The following SPTBN2 variants were observed in gnomAD, a reference collection of about 807,000 sequenced individuals.
SPTBN2 encodes the protein spectrin beta chain, non-erythrocytic 2.
In SPTBN2, 107 loss-of-function variants were observed where a neutral mutation model predicts 284.2. The ratio of observed to expected loss-of-function variants is 0.38; its 90% confidence interval spans 0.32 to 0.44. SPTBN2 has a LOEUF of 0.44. SPTBN2 is among the 20% of genes least tolerant of loss of function. The probability of loss-of-function intolerance (pLI) is 1.00; values close to 1 mark genes in which losing one functional copy is unlikely to be tolerated. For synonymous variants in SPTBN2, 1,289 were observed against 1,354.8 expected (o/e 0.95, Z 1.07); for missense variants, 2,569 against 3,287.1 (o/e 0.78, Z 5.34).
intron 3 of SPTBN2, 21 bp from the exon 4 acceptor site, chr11:66,716,002 T>C: frequency 6.2e-7 from 1 of 1,613,588 alleles, no homozygotes. Flanking sequence ...AACATGGGTT[T>C]ATTTCTGTCC....
chr11:66,697,536 A>G (rs1940989597), intron 20 of SPTBN2, among the ~76,000 whole-genome samples: 1 of 152,116 alleles, frequency 6.6e-6, no homozygotes, highest in African/African-American at 2.4e-5. Flanking sequence ...CTTGCTCCCA[A>G]ACAGGCACTG....
rs1015395050 is a variant in SPTBN2 at position 66,715,553 on chromosome 11, G to A, written c.310-158C>T. ...TGGAGCCAAAGCTGAGCTTACAGAT[G>A]AGGCTTGGGCAGATTAAGATTCCCA... On this transcript the variant is annotated intron_variant, in intron 4 of 37. Coordinates refer to ENST00000533211, the MANE Select transcript of SPTBN2 (RefSeq NM_006946.4). The surrounding 1 kb of genome is among the most constrained non-coding windows in gnomAD (Gnocchi z 5.3). Among the ~76,000 whole-genome samples, 5 of 152,224 alleles carry A rather than the reference G, an allele frequency of 3.3e-5. No individual in the cohort carries two copies. Among genetic ancestry groups the A allele is most frequent in the African/African-American group, 7.2e-5 (3 of 41,460 alleles).
At position 66,693,529 on chromosome 11, in the gene SPTBN2, CCTCT is replaced by C. The variant is rs1173034453; in HGVS notation, c.4594-87_4594-84del. 15 of 1,539,678 alleles carry C rather than the reference CCTCT, an allele frequency of 9.7e-6. No individual in the cohort carries two copies. The highest frequency in any genetic ancestry group is 1.4e-5 in the African/African-American group (1 of 73,190). ...CCGGAGACCACCCTTCACCCCTGTG[CCTCT>C]CTCCTTCCTGGGTCCTCTGCTCCCT... On this transcript the variant is annotated intron_variant, in intron 23 of 37. Coordinates refer to ENST00000533211, the MANE Select transcript of SPTBN2 (RefSeq NM_006946.4). This position sits in a 1 kb window ranked among gnomAD's most constrained non-coding sequence, Gnocchi z 5.7.
rs972645128 is a variant in SPTBN2 at position 66,700,073 on chromosome 11, A to G, written c.3573+453T>C. Among the ~76,000 whole-genome samples, 1 of 151,774 alleles carries G rather than the reference A, an allele frequency of 6.6e-6. No individual in the cohort carries two copies. Among genetic ancestry groups the G allele is most frequent in the African/African-American group, 2.4e-5 (1 of 41,296 alleles). On this transcript the variant is annotated intron_variant, in intron 17 of 37. Coordinates refer to ENST00000533211, the MANE Select transcript of SPTBN2 (RefSeq NM_006946.4). The surrounding 1 kb of genome is among the most constrained non-coding windows in gnomAD (Gnocchi z 6.6). ...CTGGCTCCAGTGATCCACCAGCCTC[A>G]GCCTCCCCAGTAGCTGGAGCTACAG...
rs369363289 is a variant in SPTBN2, at chr11:66,683,944, T to C, written c.*1927A>G. Among the ~76,000 whole-genome samples the C allele has an allele frequency of 5.3e-5, 8 of 152,340 alleles. No individual in the cohort carries two copies. Among genetic ancestry groups the C allele is most frequent in the African/African-American group, 1.7e-4 (7 of 41,576 alleles). ...TTCTTCCACTTAGTCCCATGACAGA[T>C]TGTTCTAGTTACGCGTATCCACCTG... On this transcript the variant is annotated 3_prime_UTR_variant, in exon 38 of 38. Coordinates refer to ENST00000533211, the MANE Select transcript of SPTBN2 (RefSeq NM_006946.4).
chr11:66,683,311 C>T lies in SPTBN2; in HGVS notation c.*2560G>A, dbSNP rs1432606856. ...TCGATCTCCTGACCTCGTGATCCGC[C>T]CGCCTCGGCCTCCCAAAGTGCTGGG... On this transcript the variant is annotated 3_prime_UTR_variant, in exon 38 of 38. Coordinates refer to ENST00000533211, the MANE Select transcript of SPTBN2 (RefSeq NM_006946.4). 6.6e-6 allele frequency among the ~76,000 whole-genome samples: 1 copy of T among 151,586 alleles called. No individual in the cohort carries two copies. Among genetic ancestry groups the T allele is most frequent in the Admixed American group, 6.6e-5 (1 of 15,206 alleles).
At position 66,708,066 on chromosome 11, in the gene SPTBN2, C is replaced by G. The variant is rs547624651; in HGVS notation, c.1350+75G>C. On this transcript the variant is annotated intron_variant, in intron 12 of 37. Transcript: ENST00000533211. This position sits in a 1 kb window ranked among gnomAD's most constrained non-coding sequence, Gnocchi z 4.4. The stretch of plus-strand genomic sequence containing the variant: ...TTTGTGTTTCATTGTCTCTCCACCC[C>G]GCGGGGCTTCTTATCCACCCTGTCT... 6.2e-7 allele frequency: 1 copy of G among 1,602,076 alleles called. No individual in the cohort carries two copies. Among genetic ancestry groups the G allele is most frequent in the Non-Finnish European group, 8.5e-7 (1 of 1,170,836 alleles).
rs184929138 is a variant in SPTBN2 at position 66,695,269 on chromosome 11, T to C, written c.4279-906A>G. Among the ~76,000 whole-genome samples, 434 of 152,316 alleles carry C rather than the reference T, an allele frequency of 2.8e-3. 2 individuals carry two copies. The highest frequency in any genetic ancestry group is 5.2e-3 in the Non-Finnish European group (356 of 68,030). On this transcript the variant is annotated intron_variant, in intron 21 of 37. Coordinates refer to ENST00000533211, the MANE Select transcript of SPTBN2 (RefSeq NM_006946.4). ...CACAGCTGCACCCCTTTTTAAAAAA[T>C]TTTTTGAGACAAGTCTCGCTCTGCC... is the stretch of plus-strand genomic sequence containing the variant.
chr11:66,690,044 A>T lies in SPTBN2; in HGVS notation c.5805T>A (p.Arg1935=). ...EVNLQMDAQE[R]PRDVSSADLV... The stretch of plus-strand genomic sequence containing the variant: ...CTGAGCCCTGGGATTCTCACCGGGG[A>T]CGCTCCTGGGCATCCATCTGCAGGT... Residue 1935 remains arginine (R), a synonymous_variant, in exon 28 of 38, where the codon CGT becomes CGA. Transcript: ENST00000533211. The T allele has an allele frequency of 6.2e-7, 1 of 1,614,154 alleles. No homozygotes were observed. Among genetic ancestry groups the T allele is most frequent in the East Asian group, 2.2e-5 (1 of 44,884 alleles).
Position 66,693,190 on chromosome 11 carries a change from G to A in SPTBN2, c.4850C>T (p.Ala1617Val). 2 of 1,614,200 alleles carry A rather than the reference G, an allele frequency of 1.2e-6. No homozygotes were observed. Among genetic ancestry groups the A allele is most frequent in the Non-Finnish European group, 1.7e-6 (2 of 1,180,016 alleles). Residue 1617 changes from alanine (A) to valine (V), a missense_variant, in exon 24 of 38, where the codon GCC becomes GTC. Coordinates refer to ENST00000533211, the MANE Select transcript of SPTBN2 (RefSeq NM_006946.4). This position sits in a 1 kb window ranked among gnomAD's most constrained non-coding sequence, Gnocchi z 5.7. Reference sequence around the variant, plus strand: ...GGGCTCTGTCCTGGCCCTCACCTTGGCCTTCTCCTGGCCCATCATGTGTAA... The same window carrying A: ...GGGCTCTGTCCTGGCCCTCACCTTGACCTTCTCCTGGCCCATCATGTGTAA... ...QELHMMGQEK[A>V]KDELSAQAEV...
At chr11:66,696,595 G>A in intron 20 of SPTBN2, 55 bp from the exon 21 acceptor site, 2 of 1,603,550 alleles carry the variant, frequency 1.2e-6, no homozygotes, top group East Asian at 4.5e-5. Flanking sequence ...AACTTTAGAG[G>A]CTGAGAGCAG....
chr11:66,739,779 C>T (rs1942881607), intron 1 of SPTBN2, among the ~76,000 whole-genome samples: 1 of 152,184 alleles, frequency 6.6e-6, no homozygotes, highest in South Asian at 2.1e-4. Flanking sequence ...CTGTAATCCC[C>T]CCAGCACTTT....
At chr11:66,743,534 C>G (rs1196420033) in intron 1 of SPTBN2, among the ~76,000 whole-genome samples, 1 of 152,190 alleles carries the variant, frequency 6.6e-6, no homozygotes, top group Non-Finnish European at 1.5e-5. Flanking sequence ...TCAGGGTTTT[C>G]TTTTGGCTGT....
At chr11:66,692,774 T>C in intron 25 of SPTBN2, 34 bp from the exon 26 acceptor site, 1 of 1,599,564 alleles carries the variant, frequency 6.3e-7, no homozygotes, top group Non-Finnish European at 8.5e-7. Flanking sequence ...CTGTGGGACT[T>C]AGGGGTGTAG....
intron 1 of SPTBN2, among the ~76,000 whole-genome samples, chr11:66,723,385 G>GA (rs1942506800): frequency 6.6e-6 from 1 of 152,106 alleles, no homozygotes; most frequent in Admixed American, 6.5e-5. Context: ...TGGAAGGAAG[G>GA]AGGTCTGGAG....
chr11:66,713,019 C>G (rs2135505810), intron 8 of SPTBN2: 1 of 155,430 alleles, frequency 6.4e-6, no homozygotes. Context: ...CAACATGTAG[C>G]TTAATTTAGA....
upstream of SPTBN2, among the ~76,000 whole-genome samples, chr11:66,733,252 C>A (rs1942826726): frequency 6.6e-6 from 1 of 152,042 alleles, no homozygotes; most frequent in Non-Finnish European, 1.5e-5. Flanking sequence ...ATAGGTTACT[C>A]CAGTTGCTAT....
upstream of SPTBN2, among the ~76,000 whole-genome samples, chr11:66,732,856 C>T (rs1942823130): frequency 1.3e-5 from 2 of 151,490 alleles, no homozygotes; most frequent in South Asian, 4.2e-4. Context: ...ATCCCAGCTA[C>T]TCGGGAGGCT....
At chr11:66,738,983 T>G (rs908718884) in intron 1 of SPTBN2, among the ~76,000 whole-genome samples, 2 of 151,782 alleles carry the variant, frequency 1.3e-5, no homozygotes, top group Non-Finnish European at 2.9e-5. Flanking sequence ...GCCTAATTTA[T>G]TTTTTGTAAA....
Sources: allele counts gnomAD v4.1 joint callset (sites outside exome capture counted in the v4.1 genomes callset), GRCh38; gene constraint gnomAD v4.1.1; non-coding constraint Gnocchi (gnomAD v3.1); transcripts MANE v1.5; gene names NCBI Gene and HGNC (gene_info 2026-07-23, HGNC 2026-07-21).